INTS9: variants seen among roughly 807,000 people sequenced by gnomAD.
INTS9 encodes integrator complex subunit 9.
INTS9 carries 55 observed loss-of-function variants against 79.7 expected under a neutral mutation model. That is an observed-to-expected ratio of 0.69 (90% CI 0.56 to 0.86). INTS9 has a LOEUF of 0.86. Among genes scored for constraint, INTS9 ranks in the 40% least tolerant of loss-of-function variants. The pLI, the probability that INTS9 is intolerant of heterozygous loss-of-function variation, is 0.00. For missense variants in INTS9, 721 were observed against 831.5 expected (o/e 0.87, Z 1.64); for synonymous variants, 319 against 325.2 (o/e 0.98, Z 0.20).
intron 6 of INTS9, 106 bp downstream of exon 6, chr8:28,835,186 A>G (rs1447086109): frequency 2.4e-5 from 17 of 719,356 alleles, no homozygotes; most frequent in Non-Finnish European, 3.7e-5. Context: ...AGAATCTTTA[A>G]TATAACCAAA....
chr8:28,846,686 T>C, intron 4 of INTS9, 61 bp downstream of exon 4: 1 of 1,253,176 alleles, frequency 8.0e-7, no homozygotes, highest in Non-Finnish European at 1.2e-6. Context: ...ATTTCTTGAC[T>C]TCATTTTGAG....
intron 1 of INTS9, among the ~76,000 whole-genome samples, chr8:28,871,697 T>C (rs1809105237): frequency 6.6e-6 from 1 of 152,154 alleles, no homozygotes; most frequent in South Asian, 2.1e-4. Context: ...TGAGCCATCA[T>C]GCCTGACCTA....
chr8:28,770,406 C>A (rs1409570886), intron 15 of INTS9, among the ~76,000 whole-genome samples: 2 of 152,202 alleles, frequency 1.3e-5, no homozygotes, highest in African/African-American at 4.8e-5. Flanking sequence ...AGGGGGAAAC[C>A]CCACCTTTGC....
intron 6 of INTS9, among the ~76,000 whole-genome samples, chr8:28,819,022 G>A (rs1472544173): frequency 1.3e-5 from 2 of 151,950 alleles, no homozygotes; most frequent in Non-Finnish European, 2.9e-5. Flanking sequence ...TTTTTATTGT[G>A]TCTATTTGAT....
intron 6 of INTS9, among the ~76,000 whole-genome samples, chr8:28,825,467 C>T (rs1806091986): frequency 6.6e-6 from 1 of 152,194 alleles, no homozygotes. Context: ...CTGCGATTTT[C>T]CTTACCCATT....
At chr8:28,783,067 C>G (rs556133652) in intron 11 of INTS9, among the ~76,000 whole-genome samples, 2 of 148,644 alleles carry the variant, frequency 1.3e-5, no homozygotes, top group African/African-American at 5.0e-5. Flanking sequence ...ATGGCATGAA[C>G]CCAGGAGGCG....
chr8:28,870,124 G>A (rs940210442), intron 1 of INTS9, among the ~76,000 whole-genome samples: 1 of 151,804 alleles, frequency 6.6e-6, no homozygotes. Context: ...TATAGTTGAT[G>A]AAAAAAAGTT....
intron 8 of INTS9, among the ~76,000 whole-genome samples, chr8:28,807,294 T>C (rs1295387620): frequency 6.6e-6 from 1 of 152,160 alleles, no homozygotes; most frequent in African/African-American, 2.4e-5. Context: ...TTATGGAACA[T>C]TTGACCAAAC....
chr8:28,770,606 A>C (rs894735822), intron 15 of INTS9, among the ~76,000 whole-genome samples: 1 of 152,252 alleles, frequency 6.6e-6, no homozygotes, highest in African/African-American at 2.4e-5. Flanking sequence ...CTTAAGACAC[A>C]GTGCCTGCCC....
At chr8:28,794,700 G>A (rs1029113185) in intron 9 of INTS9, among the ~76,000 whole-genome samples, 1 of 152,190 alleles carries the variant, frequency 6.6e-6, no homozygotes, top group Admixed American at 6.5e-5. Context: ...TAATTTTCAA[G>A]CTTTAGTTTG....
chr8:28,772,444 C>G (rs1830819925), intron 14 of INTS9, among the ~76,000 whole-genome samples: 1 of 152,142 alleles, frequency 6.6e-6, no homozygotes, highest in African/African-American at 2.4e-5. Flanking sequence ...ACCCGGGAGG[C>G]AGAGGTTGCA....
At chr8:28,853,892 G>A (rs1043281465) in intron 2 of INTS9, among the ~76,000 whole-genome samples, 1 of 151,442 alleles carries the variant, frequency 6.6e-6, no homozygotes, top group African/African-American at 2.4e-5. Flanking sequence ...CTAATTTTTT[G>A]TATTTTTAGT....
In INTS9 at chr8:28,767,916, A is replaced by C. The variant is rs191565607; in HGVS notation, c.*230T>G. 1.9e-6 allele frequency: 1 copy of C among 522,168 alleles called. No individual in the cohort carries two copies. The highest frequency in any genetic ancestry group is 3.5e-6 in the Non-Finnish European group (1 of 289,800). 32.3% of individuals were successfully genotyped at this position (522,168 alleles called of 1,614,324 possible). A position where few individuals can be genotyped will look rare whatever the true frequency, so the allele number is the denominator to read the frequency against. On this transcript the variant is annotated 3_prime_UTR_variant, in exon 17 of 17. Coordinates refer to ENST00000521022, the MANE Select transcript of INTS9 (RefSeq NM_018250.4). ...CTGCCACCCTCCAGCTCCTTGAGAG[A>C]GCCAGAGTTGAGAAGAAAATGAGCC...
At chr8:28,824,088 TA>T (rs1259707758) in intron 6 of INTS9, among the ~76,000 whole-genome samples, 1 of 152,200 alleles carries the variant, frequency 6.6e-6, no homozygotes, top group Non-Finnish European at 1.5e-5. Context: ...TCTCAGGACT[TA>T]AGTCACATAA....
chr8:28,781,016 C>G (rs1395996398), intron 11 of INTS9, 22 bp from the exon 12 acceptor site: 1 of 1,599,606 alleles, frequency 6.3e-7, no homozygotes, highest in East Asian at 2.2e-5. Flanking sequence ...AGAAAAAATA[C>G]AAAGAAATGT....
chr8:28,773,819 C>A (rs1802713439), intron 14 of INTS9, among the ~76,000 whole-genome samples: 1 of 151,712 alleles, frequency 6.6e-6, no homozygotes, highest in Admixed American at 6.6e-5. Context: ...GCCACCATGC[C>A]CAGCTGAAAT....
intron 4 of INTS9, among the ~76,000 whole-genome samples, chr8:28,838,716 TCAC>T (rs546102207): frequency 2.8e-4 from 42 of 152,306 alleles, no homozygotes; most frequent in African/African-American, 1.0e-3. Context: ...AGATGGGTTT[TCAC>T]CATGTTGGCC....
Position 28,793,911 on chromosome 8 carries a change from G to A in INTS9, c.933C>T (p.Cys311=). 6.2e-7 allele frequency: 1 copy of A among 1,614,032 alleles called. No homozygotes were observed. ...CGGCTGAGTCGATGTACTGATATAG[G>A]CACTCCAGGAGGTCATAGATCACTC... ...PSGVIYDLLE[C]LYQYIDSAGL... Residue 311 remains cysteine (C), a synonymous_variant, in exon 10 of 17, where the codon TGC becomes TGT. Coordinates refer to ENST00000521022, the MANE Select transcript of INTS9 (RefSeq NM_018250.4).
intron 8 of INTS9, among the ~76,000 whole-genome samples, chr8:28,797,335 A>G (rs1333089292): frequency 1.3e-5 from 2 of 152,256 alleles, no homozygotes; most frequent in East Asian, 1.9e-4. Context: ...GTGGCATAGA[A>G]GCCATGAAGA....
Sources: gnomAD v4.1 joint callset for allele counts (sites outside exome capture counted in the v4.1 genomes callset) on GRCh38, gnomAD v4.1.1 for gene constraint, MANE v1.5 for transcripts, NCBI Gene and HGNC (gene_info 2026-07-23, HGNC 2026-07-21) for gene names.